Variants in DPP10 observed in about 807,000 individuals in gnomAD.
The protein encoded by DPP10 is dipeptidyl peptidase like 10.
Under a neutral mutation model 120.9 loss-of-function variants are expected in DPP10, and 33 were observed. The observed-to-expected ratio is 0.27, with a 90% CI of 0.21 to 0.37. The LOEUF is 0.37. Among genes scored for constraint, DPP10 ranks in the 10% least tolerant of loss-of-function variants. The pLI is 1.00. For synonymous variants in DPP10, 337 were observed against 326.1 expected, an observed-to-expected ratio of 1.03 and a Z score of -0.36; for missense variants, 816 against 942.8, an observed-to-expected ratio of 0.87 and a Z score of 1.76.
chr2:115,320,960 C>T (rs183512169), intron 2 of DPP10, among the ~76,000 whole-genome samples: 2 of 152,160 alleles, frequency 1.3e-5, no homozygotes, highest in Admixed American at 6.5e-5. Flanking sequence ...TTGGTTTCTC[C>T]TTCATTTGAG....
intron 1 of DPP10, among the ~76,000 whole-genome samples, chr2:114,832,246 G>A (rs1389391688): frequency 6.6e-6 from 1 of 152,176 alleles, no homozygotes; most frequent in African/African-American, 2.4e-5. Context: ...AGTGTGATCT[G>A]GCCCTGGCCG....
chr2:115,569,770 T>C (rs1053637228), intron 5 of DPP10, among the ~76,000 whole-genome samples: 7 of 152,332 alleles, frequency 4.6e-5, no homozygotes, highest in Middle Eastern at 3.4e-3. Flanking sequence ...GGAGGCACCA[T>C]GAGTCACTGG....
At chr2:114,495,443 T>C (rs1431208212) in intron 1 of DPP10, among the ~76,000 whole-genome samples, 1 of 152,228 alleles carries the variant, frequency 6.6e-6, no homozygotes, top group Non-Finnish European at 1.5e-5. Context: ...TGGGAAATTG[T>C]TTGAAAGCAC....
At chr2:114,819,273 G>A (rs562250676) in intron 1 of DPP10, among the ~76,000 whole-genome samples, 7 of 150,606 alleles carry the variant, frequency 4.6e-5, no homozygotes, top group Non-Finnish European at 1.0e-4. Flanking sequence ...TAGATGTCTC[G>A]TTAAAATTCA....
At chr2:115,438,127 A>G (rs2071670009) in intron 3 of DPP10, among the ~76,000 whole-genome samples, 1 of 152,148 alleles carries the variant, frequency 6.6e-6, no homozygotes, top group African/African-American at 2.4e-5. Flanking sequence ...TAAGCACGTG[A>G]AAAGATGTTA....
At chr2:114,910,437 A>C (rs1216059938) in intron 1 of DPP10, among the ~76,000 whole-genome samples, 1 of 152,022 alleles carries the variant, frequency 6.6e-6, no homozygotes, top group Non-Finnish European at 1.5e-5. Context: ...TTAATTATAA[A>C]AATTATAATT....
chr2:115,175,987 C>G (rs970576382), intron 1 of DPP10, among the ~76,000 whole-genome samples: 16 of 152,126 alleles, frequency 1.1e-4, no homozygotes, highest in African/African-American at 3.6e-4. Flanking sequence ...GCATTTATAG[C>G]AGGTGCCCAG....
chr2:114,499,199 C>T (rs998850371), intron 1 of DPP10, among the ~76,000 whole-genome samples: 23 of 152,138 alleles, frequency 1.5e-4, no homozygotes, highest in African/African-American at 5.1e-4. Flanking sequence ...TTCTTGCCTC[C>T]CACCTTGGGG....
chr2:114,729,329 A>T (rs1676661070), intron 1 of DPP10, among the ~76,000 whole-genome samples: 1 of 152,256 alleles, frequency 6.6e-6, no homozygotes, highest in South Asian at 2.1e-4. Flanking sequence ...TTTGTAGGTT[A>T]TAAGCGCAGC....
chr2:114,813,715 A>C (rs1685377772), intron 1 of DPP10, among the ~76,000 whole-genome samples: 1 of 112,244 alleles, frequency 8.9e-6, no homozygotes, highest in African/African-American at 3.8e-5. Context: ...TATGGAATTA[A>C]ATTTTTTTTT....
At chr2:115,837,842 A>G (rs1689691197) in intron 24 of DPP10, among the ~76,000 whole-genome samples, 1 of 101,132 alleles carries the variant, frequency 9.9e-6, no homozygotes, top group South Asian at 2.6e-4. Context: ...TGGGGTAATC[A>G]AAAAAAAAAA....
chr2:115,045,915 T>C (rs1705029673), intron 1 of DPP10, among the ~76,000 whole-genome samples: 1 of 152,188 alleles, frequency 6.6e-6, no homozygotes, highest in African/African-American at 2.4e-5. Flanking sequence ...GGGGTTTTGT[T>C]TGATTCCTTT....
At chr2:114,451,713 T>C (rs541338952) in intron 1 of DPP10, among the ~76,000 whole-genome samples, 1 of 152,220 alleles carries the variant, frequency 6.6e-6, no homozygotes, top group East Asian at 1.9e-4. Context: ...TTTCAGGATT[T>C]GGCTGTACTC....
intron 3 of DPP10, among the ~76,000 whole-genome samples, chr2:115,440,211 G>T (rs2104858459): frequency 6.6e-6 from 1 of 152,060 alleles, no homozygotes; most frequent in South Asian, 2.1e-4. Flanking sequence ...TATGAAAAGT[G>T]AAGTTGAATA....
chr2:115,258,409 C>T (rs901215725), intron 1 of DPP10, among the ~76,000 whole-genome samples: 10 of 149,652 alleles, frequency 6.7e-5, no homozygotes, highest in African/African-American at 2.2e-4. Flanking sequence ...CTGATTGAAA[C>T]GTAGGATAAC....
chr2:115,815,982 T>C (rs142325825), intron 21 of DPP10, among the ~76,000 whole-genome samples: 156 of 151,934 alleles, frequency 1.0e-3, no homozygotes, highest in African/African-American at 3.7e-3. Flanking sequence ...TATACATATG[T>C]AATTACATGC....
At chr2:115,586,095 G>T (rs961258420) in intron 5 of DPP10, among the ~76,000 whole-genome samples, 19 of 152,098 alleles carry the variant, frequency 1.2e-4, no homozygotes, top group African/African-American at 4.3e-4. Context: ...GGCCGAGGCA[G>T]GTGGATCACC....
chr2:114,483,467 G>A (rs1367194612), intron 1 of DPP10, among the ~76,000 whole-genome samples: 1 of 151,062 alleles, frequency 6.6e-6, no homozygotes, highest in Non-Finnish European at 1.5e-5. Context: ...TTTTTTTAAT[G>A]TAAGAGAACA....
At chr2:115,210,648 A>C (rs939253387) in intron 1 of DPP10, among the ~76,000 whole-genome samples, 2 of 152,128 alleles carry the variant, frequency 1.3e-5, no homozygotes, top group Non-Finnish European at 2.9e-5. Context: ...GTGTAAAAGC[A>C]TTCCTATTTC....
Sources: allele counts gnomAD v4.1 joint callset (sites outside exome capture counted in the v4.1 genomes callset), GRCh38; gene constraint gnomAD v4.1.1; transcripts MANE v1.5; gene names NCBI Gene and HGNC (gene_info 2026-07-23, HGNC 2026-07-21).